The following IRAK1BP1 variants were observed in gnomAD, a reference collection of about 807,000 sequenced individuals.
IRAK1BP1 encodes the protein interleukin 1 receptor associated kinase 1 binding protein 1, also known as interleukin-1 receptor-associated kinase 1-binding protein 1.
IRAK1BP1 carries 24 observed loss-of-function variants against 28.0 expected under a neutral mutation model. That is an observed-to-expected ratio of 0.86 (90% confidence interval 0.62 to 1.20). The LOEUF (loss-of-function observed/expected upper bound fraction) is 1.20. Ranked by LOEUF, IRAK1BP1 falls within the 50% of genes most tolerant of loss-of-function variation. The pLI is 0.00. For missense variants in IRAK1BP1, 336 were observed against 316.7 expected (o/e 1.06, Z -0.46); for synonymous variants, 131 against 116.3 (o/e 1.13, Z -0.81).
chr6:78,909,730 A>G (rs1772354966), intron 4 of IRAK1BP1, among the ~76,000 whole-genome samples: 1 of 152,236 alleles, frequency 6.6e-6, no homozygotes, highest in Admixed American at 6.5e-5. Context: ...ATGGGAACCA[A>G]TTACAATGTG....
At chr6:78,972,464 A>G in the IRAK1BP1 span, among the ~76,000 whole-genome samples, 2 of 152,228 alleles carry the variant, frequency 1.3e-5, no homozygotes, top group Non-Finnish European at 2.9e-5. Context: ...TCTAAAAATC[A>G]GAGCACCTCT....
chr6:78,915,176 A>G (rs746356715), intron 4 of IRAK1BP1, among the ~76,000 whole-genome samples: 2 of 152,168 alleles, frequency 1.3e-5, no homozygotes, highest in Non-Finnish European at 1.5e-5. Flanking sequence ...TCATGCCTCA[A>G]ATGTGAACTT....
the IRAK1BP1 span, chr6:78,969,985 A>C: frequency 1.3e-6 from 2 of 1,592,054 alleles, no homozygotes; most frequent in Non-Finnish European, 1.7e-6. Context: ...GTTCAAATGT[A>C]TCTGAATCTT....
downstream of IRAK1BP1, chr6:78,903,220 CAT>C (rs1301977890): frequency 1.6e-4 from 91 of 580,546 alleles, 1 homozygote; most frequent in Middle Eastern, 1.1e-3. Flanking sequence ...TGGTGGCTCA[CAT>C]GTGTAATCCC....
chr6:78,923,279 T>C (rs984255729), intron 4 of IRAK1BP1, among the ~76,000 whole-genome samples: 1 of 151,452 alleles, frequency 6.6e-6, no homozygotes, highest in Non-Finnish European at 1.5e-5. Context: ...AATCCTAGAT[T>C]CTGATAAAAC....
chr6:78,933,869 G>C (rs1045418408), intron 4 of IRAK1BP1, among the ~76,000 whole-genome samples: 1 of 152,088 alleles, frequency 6.6e-6, no homozygotes, highest in African/African-American at 2.4e-5. Context: ...CACTGAAGTA[G>C]CATCCTTAAC....
Position 78,885,377 on chromosome 6 carries a change from G to A in IRAK1BP1, c.316-1G>A. ...ATACTCTTGGACTTTTTCTGTTTCA[G>A]GCAGAAAATATAACTGTGACAAAGG... On this transcript the variant is annotated splice_acceptor_variant, in intron 1 of 3. Transcript: ENST00000369940. LOFTEE classifies it high-confidence loss of function. 6.4e-7 allele frequency: 1 copy of A among 1,563,316 alleles called. No individual in the cohort carries two copies. The highest frequency in any genetic ancestry group is 2.3e-5 in the East Asian group (1 of 44,050).
chr6:78,893,604 A>G (rs1771762816), intron 2 of IRAK1BP1, among the ~76,000 whole-genome samples: 1 of 151,994 alleles, frequency 6.6e-6, no homozygotes. Flanking sequence ...CTCTATATTT[A>G]TATAAAAGAT....
chr6:78,934,966 T>G (rs1478178954), intron 4 of IRAK1BP1, among the ~76,000 whole-genome samples: 1 of 152,204 alleles, frequency 6.6e-6, no homozygotes, highest in Non-Finnish European at 1.5e-5. Context: ...GTGTTAAATT[T>G]ACCACACATT....
At chr6:78,940,657 C>T in intron 4 of IRAK1BP1, 3 of 1,346,942 alleles carry the variant, frequency 2.2e-6, no homozygotes, top group Non-Finnish European at 3.0e-6. Flanking sequence ...ACTGTACCTG[C>T]TTTATAGATT....
At chr6:78,958,459 T>A in the IRAK1BP1 span, 5 of 1,386,014 alleles carry the variant, frequency 3.6e-6, no homozygotes, top group Non-Finnish European at 5.1e-6. Context: ...TAATTACATA[T>A]GAAAAGATAA....
chr6:78,939,466 C>T (rs768054489), intron 4 of IRAK1BP1: 5 of 151,584 alleles, frequency 3.3e-5, no homozygotes, highest in Admixed American at 3.3e-4. Context: ...TGAAAATAAC[C>T]AATTTCCCCC....
intron 2 of IRAK1BP1, among the ~76,000 whole-genome samples, chr6:78,890,886 C>T (rs1771628320): frequency 6.6e-6 from 1 of 152,156 alleles, no homozygotes; most frequent in Non-Finnish European, 1.5e-5. Flanking sequence ...GATTAATGCC[C>T]TCTGAAAGAT....
chr6:78,967,668 T>C, the IRAK1BP1 span, among the ~76,000 whole-genome samples: 11 of 152,274 alleles, frequency 7.2e-5, no homozygotes, highest in South Asian at 2.3e-3. Flanking sequence ...TAGAATAAAA[T>C]TGTAAGATCC....
At chr6:78,883,335 T>C (rs375061975) in intron 1 of IRAK1BP1, among the ~76,000 whole-genome samples, 33 of 152,214 alleles carry the variant, frequency 2.2e-4, no homozygotes, top group African/African-American at 5.8e-4. Flanking sequence ...GATACATTTA[T>C]ATGCATTGAT....
At chr6:78,910,297 C>T (rs951206344) in intron 4 of IRAK1BP1, among the ~76,000 whole-genome samples, 1 of 152,130 alleles carries the variant, frequency 6.6e-6, no homozygotes, top group Admixed American at 6.5e-5. Context: ...TACTGGTTTT[C>T]CTCTGCATAA....
chr6:78,871,654 G>GGAT (rs1299916657), intron 1 of IRAK1BP1: 4 of 425,744 alleles, frequency 9.4e-6, no homozygotes, highest in African/African-American at 2.2e-5. Flanking sequence ...TGGGACATGA[G>GGAT]GATAGGGCTG....
At chr6:78,956,357 C>G in the IRAK1BP1 span, 2 of 152,136 alleles carry the variant, frequency 1.3e-5, no homozygotes, top group Non-Finnish European at 2.9e-5. Flanking sequence ...CTGTCCCTTT[C>G]TCACTTTCAT....
the IRAK1BP1 span, among the ~76,000 whole-genome samples, chr6:78,962,307 C>A: frequency 6.6e-6 from 1 of 152,090 alleles, no homozygotes; most frequent in Non-Finnish European, 1.5e-5. Context: ...CAATACACAC[C>A]GTAAAGTTGT....
Sources: allele counts gnomAD v4.1 joint callset (sites outside exome capture counted in the v4.1 genomes callset), GRCh38; gene constraint gnomAD v4.1.1; transcripts MANE v1.5; gene names NCBI Gene and HGNC (gene_info 2026-07-23, HGNC 2026-07-21).